The following ME1 variants were observed in gnomAD, a reference collection of about 807,000 sequenced individuals.
ME1 encodes the protein NADP-dependent malic enzyme.
In ME1, 74 loss-of-function variants were observed where a neutral mutation model predicts 66.4. That is an observed-to-expected ratio of 1.11 (90% CI 0.92 to 1.35). The LOEUF (loss-of-function observed/expected upper bound fraction) is 1.35, where lower values mean the gene tolerates loss of function less well. ME1 is among the 40% of genes most tolerant of loss of function. The probability of loss-of-function intolerance (pLI) is 0.00; values close to 1 mark genes in which losing one functional copy is unlikely to be tolerated. For missense variants in ME1, 750 were observed against 694.1 expected (o/e 1.08, Z -0.90); for synonymous variants, 251 against 235.6 (o/e 1.07, Z -0.60).
chr6:83,352,064 C>A lies in ME1; in HGVS notation c.438G>T (p.Lys146Asn). 6.3e-7 allele frequency: 1 copy of A among 1,587,970 alleles called. No individual in the cohort carries two copies. ...ATAGTGGAAAAACATGATAACTTACCTTGATGACATCTTCTGGCCATGCAT... is the reference window on the plus strand; with the variant it reads ...ATAGTGGAAAAACATGATAACTTACATTGATGACATCTTCTGGCCATGCAT... ...VLNAWPEDVI[K>N]AIVVTDGERI... is the part of the protein sequence containing the mutation. Residue 146 changes from lysine (K) to asparagine (N), a missense_variant and splice_region_variant, in exon 4 of 14, where the codon AAG becomes AAT. Lys to Asn is a moderately conservative substitution (Grantham distance 94). Coordinates refer to ENST00000369705, the MANE Select transcript of ME1 (RefSeq NM_002395.6).
intron 3 of ME1, among the ~76,000 whole-genome samples, chr6:83,358,233 T>C (rs1362596332): frequency 1.3e-5 from 2 of 151,934 alleles, no homozygotes; most frequent in South Asian, 2.1e-4. Context: ...TACAGAGTTA[T>C]GCAAAATATA....
intron 6 of ME1, among the ~76,000 whole-genome samples, chr6:83,301,314 T>TTCTTTCTC (rs1767714561): frequency 1.4e-5 from 2 of 141,306 alleles, no homozygotes; most frequent in African/African-American, 5.3e-5. Context: ...CTTTCTTTCT[T>TTCTTTCTC]TCTCTCTCTC....
At chr6:83,393,576 C>T (rs1225801907) in intron 3 of ME1, among the ~76,000 whole-genome samples, 2 of 143,156 alleles carry the variant, frequency 1.4e-5, no homozygotes, top group East Asian at 2.0e-4. Flanking sequence ...CCCACCTTTT[C>T]ATGTACCATC....
intron 6 of ME1, among the ~76,000 whole-genome samples, chr6:83,283,465 A>C (rs1348584336): frequency 6.6e-6 from 1 of 151,888 alleles, no homozygotes; most frequent in Non-Finnish European, 1.5e-5. Context: ...ACAAATACCT[A>C]ATGCATCCAG....
At chr6:83,346,133 T>G (rs1405426166) in intron 5 of ME1, 40 bp downstream of exon 5, 6 of 1,430,086 alleles carry the variant, frequency 4.2e-6, no homozygotes, top group Non-Finnish European at 5.6e-6. Context: ...GATGCCATTT[T>G]TAAAGGTACA....
chr6:83,238,727 A>G (rs554802106), intron 8 of ME1, among the ~76,000 whole-genome samples: 1 of 151,398 alleles, frequency 6.6e-6, no homozygotes, highest in Admixed American at 6.6e-5. Context: ...TGACATAAAC[A>G]ATGATCTACC....
At position 83,211,780 on chromosome 6, in the gene ME1, C is replaced by T. The variant is rs1789876200; in HGVS notation, c.*144G>A. 1.9e-6 allele frequency: 1 copy of T among 528,378 alleles called. No individual in the cohort carries two copies. 32.7% of individuals were successfully genotyped at this position (528,378 alleles called of 1,614,324 possible). ...ATGTGATGTTTATCCCAATTTATAT[C>T]GATATTCTTCTATCAATTTTTAGAC... is the stretch of plus-strand genomic sequence containing the variant. On this transcript the variant is annotated 3_prime_UTR_variant, in exon 14 of 14. Coordinates refer to ENST00000369705, the MANE Select transcript of ME1 (RefSeq NM_002395.6).
At chr6:83,280,489 T>C (rs1457455553) in intron 6 of ME1, among the ~76,000 whole-genome samples, 1 of 152,206 alleles carries the variant, frequency 6.6e-6, no homozygotes. Context: ...AAGTATATAA[T>C]TGATAGGCTA....
chr6:83,281,806 CAAAA>C (rs140157932), intron 6 of ME1, among the ~76,000 whole-genome samples: 6 of 13,280 alleles, frequency 4.5e-4, no homozygotes, highest in African/African-American at 2.0e-3. Context: ...ACTCTGTCTC[CAAAA>C]AAAAAAAAAA....
At chr6:83,420,112 G>A (rs1454892619) in intron 1 of ME1, among the ~76,000 whole-genome samples, 1 of 152,042 alleles carries the variant, frequency 6.6e-6, no homozygotes, top group African/African-American at 2.4e-5. Context: ...CTGTCACCGA[G>A]GCTGGAGTGC....
At chr6:83,225,156 C>G (rs954609407) in intron 11 of ME1, among the ~76,000 whole-genome samples, 2 of 135,736 alleles carry the variant, frequency 1.5e-5, no homozygotes, top group African/African-American at 5.6e-5. Context: ...GAGCCGAGAT[C>G]GTGCCATTCA....
chr6:83,247,397 T>C (rs1196513410), intron 7 of ME1, among the ~76,000 whole-genome samples: 1 of 152,172 alleles, frequency 6.6e-6, no homozygotes, highest in East Asian at 1.9e-4. Flanking sequence ...AATGCATTCA[T>C]GTCTAAAATA....
intron 3 of ME1, among the ~76,000 whole-genome samples, chr6:83,362,679 A>G (rs1201476817): frequency 4.6e-5 from 7 of 151,982 alleles, no homozygotes; most frequent in Admixed American, 4.6e-4. Context: ...ATTATATTGG[A>G]CCTCTTCCAT....
chr6:83,229,621 T>A (rs867259143), intron 9 of ME1, among the ~76,000 whole-genome samples: 3 of 152,186 alleles, frequency 2.0e-5, no homozygotes, highest in Non-Finnish European at 4.4e-5. Flanking sequence ...ATAAGTATAG[T>A]CATTTTACAT....
At chr6:83,430,027 T>C (rs947475402) in intron 1 of ME1, among the ~76,000 whole-genome samples, 2 of 152,048 alleles carry the variant, frequency 1.3e-5, no homozygotes, top group African/African-American at 4.8e-5. Flanking sequence ...TTGAGAGACA[T>C]CCCGAGTGCT....
At chr6:83,222,535 T>G (rs1004553747) in intron 12 of ME1, among the ~76,000 whole-genome samples, 3 of 152,238 alleles carry the variant, frequency 2.0e-5, no homozygotes, top group African/African-American at 7.2e-5. Flanking sequence ...AGAAATTCAC[T>G]CAAGTTTCTC....
At chr6:83,395,756 G>T (rs1009111023) in intron 3 of ME1, among the ~76,000 whole-genome samples, 1 of 151,762 alleles carries the variant, frequency 6.6e-6, no homozygotes, top group African/African-American at 2.4e-5. Context: ...TTACAGGTAT[G>T]AGCCACTGTG....
intron 6 of ME1, among the ~76,000 whole-genome samples, chr6:83,302,891 G>C (rs1043366408): frequency 6.6e-6 from 1 of 152,126 alleles, no homozygotes; most frequent in Non-Finnish European, 1.5e-5. Context: ...GGTGAAAACA[G>C]TCAATAGCAG....
At chr6:83,240,553 C>T (rs1475675614) in intron 7 of ME1, among the ~76,000 whole-genome samples, 1 of 152,074 alleles carries the variant, frequency 6.6e-6, no homozygotes, top group Non-Finnish European at 1.5e-5. Context: ...TTCTTTATGG[C>T]TAATAAAGCA....
Sources: allele counts gnomAD v4.1 joint callset (sites outside exome capture counted in the v4.1 genomes callset), GRCh38; gene constraint gnomAD v4.1.1; transcripts MANE v1.5; gene names NCBI Gene and HGNC (gene_info 2026-07-23, HGNC 2026-07-21).